The following CTNNA1 variants were observed in gnomAD, a reference collection of about 807,000 sequenced individuals.
The protein encoded by CTNNA1 is catenin alpha-1.
CTNNA1 carries 37 observed loss-of-function variants against 98.4 expected under a neutral mutation model. The observed-to-expected ratio is 0.38, with a 90% CI of 0.29 to 0.49. The LOEUF (loss-of-function observed/expected upper bound fraction) is 0.49. Among genes scored for constraint, CTNNA1 ranks in the 20% least tolerant of loss-of-function variants. The pLI, the probability that CTNNA1 is intolerant of heterozygous loss-of-function variation, is 0.95. For missense variants in CTNNA1, 761 were observed against 1,147.2 expected (o/e 0.66, Z 4.86); for synonymous variants, 404 against 413.2 (o/e 0.98, Z 0.27).
intron 1 of CTNNA1, among the ~76,000 whole-genome samples, chr5:138,760,097 C>T (rs553402103): frequency 1.4e-4 from 20 of 145,124 alleles, no homozygotes; most frequent in Admixed American, 8.5e-4. Context: ...CGGGTTCAAG[C>T]GATTCTCCTG....
chr5:138,868,854 A>G (rs1266498889), intron 7 of CTNNA1: 2 of 152,194 alleles, frequency 1.3e-5, no homozygotes, highest in Non-Finnish European at 2.9e-5. Flanking sequence ...TATGTCTGTC[A>G]CAAATGGCTT....
intron 7 of CTNNA1, among the ~76,000 whole-genome samples, chr5:138,829,460 G>A (rs1459862970): frequency 6.6e-6 from 1 of 152,210 alleles, no homozygotes; most frequent in Non-Finnish European, 1.5e-5. Flanking sequence ...GAAGGAGGAT[G>A]TGATAAATCT....
Position 138,933,912 on chromosome 5 carries a change from T to G in CTNNA1, c.2544T>G (p.Gly848=), listed in dbSNP as rs1386871916. The stretch of plus-strand genomic sequence containing the variant: ...CTACCAAATACCAAAAGTCACAGGG[T>G]ATGGCTTCCCTCAACCTTCCTGCTG... ...VASTKYQKSQ[G]MASLNLPAVS... Residue 848 remains glycine (G), a synonymous_variant, in exon 18 of 18, where the codon GGT becomes GGG. Transcript: ENST00000302763. 3.7e-6 allele frequency: 6 copies of G among 1,614,114 alleles called. No homozygotes were observed. The highest frequency in any genetic ancestry group is 5.1e-6 in the Non-Finnish European group (6 of 1,180,008).
Position 138,802,831 on chromosome 5 carries a change from GC to G in CTNNA1, c.302-7206del, listed in dbSNP as rs1581074820. 3.3e-5 allele frequency among the ~76,000 whole-genome samples: 5 copies of G among 152,108 alleles called. No homozygotes were observed. In the East Asian group the frequency reaches 9.9e-4, roughly 30 times the overall value. On this transcript the variant is annotated intron_variant, in intron 3 of 17. Transcript: ENST00000302763. ...TTTTTATATTCTGAGACAGGGTCTT[GC>G]GCTGGAGTGGTCTGGAGTGCAGTGG...
chr5:138,781,949 A>G lies in CTNNA1; in HGVS notation c.25A>G (p.Ile9Val), dbSNP rs1035752743. The G allele has an allele frequency of 3.1e-6, 5 of 1,596,636 alleles. No homozygotes were observed. The highest frequency in any genetic ancestry group is 2.2e-5 in the East Asian group (1 of 44,754). MTAVHAGN[I>V]NFKWDPKSLE... Reference sequence around the variant, plus strand: ...AATGACTGCTGTCCATGCAGGCAACATAAACTTCAAGTGGGATCCTAAAAG... The same window carrying G: ...AATGACTGCTGTCCATGCAGGCAACGTAAACTTCAAGTGGGATCCTAAAAG... The change falls in exon 2 of 18, where the codon ATA becomes GTA. Residue 9 changes from isoleucine to valine, a missense_variant. Ile to Val is a conservative substitution (Grantham distance 29). Transcript: ENST00000302763.
chr5:138,894,261 G>A (rs981059721), intron 9 of CTNNA1, among the ~76,000 whole-genome samples: 1 of 146,128 alleles, frequency 6.8e-6, no homozygotes, highest in Non-Finnish European at 1.5e-5. Context: ...GCATAATATA[G>A]AGCCTTTACT....
At chr5:138,910,943 T>A in intron 10 of CTNNA1, among the ~76,000 whole-genome samples, 1 of 152,138 alleles carries the variant, frequency 6.6e-6, no homozygotes, top group East Asian at 1.9e-4. Context: ...TTACTTAGGT[T>A]GTAACAAGAT....
rs897361694 is a variant in CTNNA1, at chr5:138,933,105, G to C, written c.2433+393G>C. 7.6e-6 allele frequency: 5 copies of C among 655,582 alleles called. No homozygotes were observed. The African/African-American group carries it at 9.0e-5, about 12-fold the overall frequency. The allele number at this position is 655,582 out of a possible 1,614,324, so 40.6% of individuals were successfully genotyped here. ...GCCGAGATGGCACCACTGCACTCCC[G>C]TCTGGGCAACAGAACAAGACTGTCT... is the stretch of plus-strand genomic sequence containing the variant. On this transcript the variant is annotated intron_variant, in intron 17 of 17. Transcript: ENST00000302763.
intron 7 of CTNNA1, among the ~76,000 whole-genome samples, chr5:138,852,808 A>G (rs1172211623): frequency 6.6e-6 from 1 of 151,988 alleles, no homozygotes; most frequent in Non-Finnish European, 1.5e-5. Context: ...TCTGGAATCA[A>G]TAACTGTATA....
chr5:138,812,454 T>A (rs1443422897), intron 5 of CTNNA1, 152 bp downstream of exon 5: 2 of 778,196 alleles, frequency 2.6e-6, no homozygotes, highest in Non-Finnish European at 2.0e-6. Context: ...TTCAGTATTG[T>A]GCTGTTAATA....
chr5:138,891,750 C>T (rs370547765), intron 9 of CTNNA1, among the ~76,000 whole-genome samples: 12 of 151,960 alleles, frequency 7.9e-5, no homozygotes, highest in Admixed American at 2.0e-4. Flanking sequence ...CAGAGCGAGA[C>T]GCCGTCTCAA....
At position 138,873,933 on chromosome 5, in the gene CTNNA1, G is replaced by T. The variant is rs1285653295; in HGVS notation, c.1063-12279G>T. 1.9e-6 allele frequency: 3 copies of T among 1,613,874 alleles called. No individual in the cohort carries two copies. The African/African-American group carries it at 4.0e-5, about 22-fold the overall frequency. On this transcript the variant is annotated intron_variant, in intron 7 of 17. Coordinates refer to ENST00000302763, the MANE Select transcript of CTNNA1 (RefSeq NM_001903.5). The surrounding 1 kb of genome is among the most constrained non-coding windows in gnomAD (Gnocchi z 6.1). ...GTCAGCTGGTTGTGCTCTAGGTGAAGCTCTCTCAGTTTAATTAATCCTGCA... is the reference window on the plus strand; with the variant it reads ...GTCAGCTGGTTGTGCTCTAGGTGAATCTCTCTCAGTTTAATTAATCCTGCA...
chr5:138,804,853 C>T (rs1345520351), intron 3 of CTNNA1, among the ~76,000 whole-genome samples: 1 of 152,110 alleles, frequency 6.6e-6, no homozygotes, highest in East Asian at 1.9e-4. Flanking sequence ...TACTTTTGCA[C>T]CAGCTTATAT....
intron 16 of CTNNA1, chr5:138,932,249 C>T (rs896512182): frequency 1.2e-5 from 13 of 1,113,972 alleles, no homozygotes; most frequent in Middle Eastern, 3.8e-4. Flanking sequence ...TCCACCCTGC[C>T]GTTTGGGGTG....
intron 3 of CTNNA1, among the ~76,000 whole-genome samples, chr5:138,796,763 T>G (rs1271585823): frequency 6.6e-6 from 1 of 152,198 alleles, no homozygotes. Flanking sequence ...ACTCTTCTCC[T>G]GGAAGCTTTT....
rs909434954 is a variant in CTNNA1 at position 138,934,912 on chromosome 5, GATTGATTACT to G, written c.*827_*836del. ...TTTGTGATTACTGTAGTGATTGATT[GATTGATTACT>G]ATTAACTACAAGGTATAATTTACTA... On this transcript the variant is annotated 3_prime_UTR_variant, in exon 18 of 18. Transcript: ENST00000302763. 2.0e-5 allele frequency: 3 copies of G among 152,514 alleles called. No homozygotes were observed. Among genetic ancestry groups the G allele is most frequent in the African/African-American group, 7.2e-5 (3 of 41,432 alleles). The allele number at this position is 152,514 out of a possible 1,614,324, so 9.4% of individuals were successfully genotyped here.
chr5:138,795,495 G>C (rs1756866876), intron 3 of CTNNA1, among the ~76,000 whole-genome samples: 1 of 151,976 alleles, frequency 6.6e-6, no homozygotes, highest in South Asian at 2.1e-4. Context: ...ATCACTTGTT[G>C]GTGAGATCCC....
At chr5:138,768,307 T>TA (rs941415523) in intron 1 of CTNNA1, among the ~76,000 whole-genome samples, 15 of 152,172 alleles carry the variant, frequency 9.9e-5, no homozygotes, top group African/African-American at 3.1e-4. Context: ...TCACCCAGGC[T>TA]AGAGTGCAGT....
At chr5:138,847,879 A>G (rs913355076) in intron 7 of CTNNA1, among the ~76,000 whole-genome samples, 1 of 152,228 alleles carries the variant, frequency 6.6e-6, no homozygotes, top group Non-Finnish European at 1.5e-5. Context: ...AGCTGAAAGT[A>G]GCAGAGATTG....
Sources: allele counts gnomAD v4.1 joint callset (sites outside exome capture counted in the v4.1 genomes callset), GRCh38; gene constraint gnomAD v4.1.1; non-coding constraint Gnocchi (gnomAD v3.1); transcripts MANE v1.5; gene names NCBI Gene and HGNC (gene_info 2026-07-23, HGNC 2026-07-21).